Variants in CHRNA10 observed in about 807,000 individuals in gnomAD.
CHRNA10 encodes the protein cholinergic receptor nicotinic alpha 10 subunit.
Under a neutral mutation model 36.0 loss-of-function variants are expected in CHRNA10, and 31 were observed. That is an observed-to-expected ratio of 0.86 (90% confidence interval 0.65 to 1.16). The LOEUF (loss-of-function observed/expected upper bound fraction) is 1.16, where lower values mean the gene tolerates loss of function less well. CHRNA10 is among the 50% of genes most tolerant of loss of function. The probability of loss-of-function intolerance (pLI) is 0.00; values close to 1 mark genes in which losing one functional copy is unlikely to be tolerated. For missense variants in CHRNA10, 648 were observed against 640.9 expected, an observed-to-expected ratio of 1.01 and a Z score of -0.12; for synonymous variants, 302 against 287.0, an observed-to-expected ratio of 1.05 and a Z score of -0.53.
chr11:3,670,190 T>C (rs2077703819), intron 1 of CHRNA10, among the ~76,000 whole-genome samples: 1 of 152,140 alleles, frequency 6.6e-6, no homozygotes, highest in African/African-American at 2.4e-5. Flanking sequence ...CCCTCCCCTT[T>C]TCAAGGACCT....
Position 3,666,148 on chromosome 11 carries a change from C to T in CHRNA10, c.1312G>A (p.Ala438Thr), listed in dbSNP as rs769585341. The T allele has an allele frequency of 1.9e-6, 3 of 1,597,250 alleles. No individual in the cohort carries two copies. Among genetic ancestry groups the T allele is most frequent in the Non-Finnish European group, 2.6e-6 (3 of 1,171,372 alleles). ...RFFLAIFFSM[A>T]LVMSLLVLVQ... ...AGCACCAGGAGGCTCATGACCAGGG[C>T]CATGGAGAAGAAGATGGCCAGGAAG... Residue 438 changes from alanine (A) to threonine (T), a missense_variant, in exon 5 of 5, where the codon GCC becomes ACC. Physicochemically the swap from Ala to Thr is moderately conservative, Grantham distance 58. Coordinates refer to ENST00000250699, the MANE Select transcript of CHRNA10 (RefSeq NM_020402.4).
chr11:3,668,724 A>T (rs1472346972), intron 3 of CHRNA10: 1 of 153,544 alleles, frequency 6.5e-6, no homozygotes, highest in Middle Eastern at 3.1e-3. Flanking sequence ...GCTCCGGGAC[A>T]CACAGTGACT....
In CHRNA10 at chr11:3,667,571, G is replaced by A; in HGVS notation, c.556C>T (p.Pro186Ser). 2.6e-6 allele frequency: 4 copies of A among 1,558,150 alleles called. No individual in the cohort carries two copies. The highest frequency in any genetic ancestry group is 2.6e-6 in the Non-Finnish European group (3 of 1,157,332). ...THGGHQLDVR[P>S]RGAAASLADF... ...GCCAGGCTGGCTGCAGCGCCGCGCG[G>A]CCGCACATCCAGTTGGTGCCCGCCG... is the stretch of plus-strand genomic sequence containing the variant. The change falls in exon 4 of 5, where the codon CCG becomes TCG. Residue 186 changes from proline to serine, a missense_variant. By Grantham distance (74) the Pro-to-Ser change is moderately conservative. Coordinates refer to ENST00000250699, the MANE Select transcript of CHRNA10 (RefSeq NM_020402.4).
At position 3,667,483 on chromosome 11, in the gene CHRNA10, G is replaced by T. The variant is rs759550632; in HGVS notation, c.644C>A (p.Thr215Asn). ...LGMPARRRVL[T>N]YGCCSEPYPD... ...GTAGGGCTCGGAGCAGCAGCCGTAG[G>T]TGAGCACGCGCCGCCGCGCCGGCAT... is the stretch of plus-strand genomic sequence containing the variant. Residue 215 changes from threonine to asparagine, a missense_variant, in exon 4 of 5, where the codon ACC becomes AAC. Physicochemically the swap from Thr to Asn is moderately conservative, Grantham distance 65. Coordinates refer to ENST00000250699, the MANE Select transcript of CHRNA10 (RefSeq NM_020402.4). 1 of 1,587,480 alleles carries T rather than the reference G, an allele frequency of 6.3e-7. No individual in the cohort carries two copies. Among genetic ancestry groups the T allele is most frequent in the Admixed American group, 1.7e-5 (1 of 58,400 alleles).
Position 3,667,478 on chromosome 11 carries a change from CGTAG to C in CHRNA10, c.645_648del (p.Tyr216AlafsTer90), listed in dbSNP as rs1232732814. 4 of 1,589,968 alleles carry C rather than the reference CGTAG, an allele frequency of 2.5e-6. No individual in the cohort carries two copies. The Admixed American group carries it at 5.1e-5, about 20-fold the overall frequency. On this transcript the variant is annotated frameshift_variant, in exon 4 of 5. Coordinates refer to ENST00000250699, the MANE Select transcript of CHRNA10 (RefSeq NM_020402.4). LOFTEE classifies it high-confidence loss of function. ...TCGGGGTAGGGCTCGGAGCAGCAGC[CGTAG>C]GTGAGCACGCGCCGCCGCGCCGGCA...
Position 3,666,168 on chromosome 11 carries a change from A to G in CHRNA10, c.1292T>C (p.Leu431Pro). The change falls in exon 5 of 5, where the codon CTG (leucine) becomes CCG (proline). Residue 431 changes from leucine (L) to proline (P), a missense_variant. Transcript: ENST00000250699. The part of the protein sequence containing the change: ...RLARVMDRFF[L>P]AIFFSMALVM... ...CAGGGCCATGGAGAAGAAGATGGCC[A>G]GGAAGAAGCGGTCCATCACACGGGC... The G allele has an allele frequency of 6.2e-7, 1 of 1,607,624 alleles. No homozygotes were observed. The highest frequency in any genetic ancestry group is 1.1e-5 in the South Asian group (1 of 90,076).
rs12221525 is a variant in CHRNA10 at position 3,665,714 on chromosome 11, C to G, written c.*393G>C. The G allele has an allele frequency of 0.075, 12,213 of 163,130 alleles. 1,211 individuals are homozygous for G. Among genetic ancestry groups the G allele is most frequent in the African/African-American group, 0.23 (9,548 of 41,872 alleles). The allele number at this position is 163,130 out of a possible 1,614,324, so 10.1% of individuals were successfully genotyped here. A position where few individuals can be genotyped will look rare whatever the true frequency, so the allele number is the denominator to read the frequency against. ...TGAGCCCCTCAGCAGGGAAAGGTAA[C>G]AGCCAAAGCCCTGCAAAGCAGCCAC... On this transcript the variant is annotated 3_prime_UTR_variant, in exon 5 of 5. Coordinates refer to ENST00000250699, the MANE Select transcript of CHRNA10 (RefSeq NM_020402.4).
At position 3,667,690 on chromosome 11, in the gene CHRNA10, G is replaced by C; in HGVS notation, c.437C>G (p.Ala146Gly). The stretch of plus-strand genomic sequence containing the variant: ...GCACGAGCTGCGCGTGATGGCCGGC[G>C]CGTCCCAGCGCACGGCGCCATCGTG... ...LRHDGAVRWD[A>G]PAITRSSCRV... The change falls in exon 4 of 5, where the codon GCG (alanine) becomes GGG (glycine). Residue 146 changes from alanine (A) to glycine (G), a missense_variant. Coordinates refer to ENST00000250699, the MANE Select transcript of CHRNA10 (RefSeq NM_020402.4). 6.4e-7 allele frequency: 1 copy of C among 1,571,124 alleles called. No individual in the cohort carries two copies. Among genetic ancestry groups the C allele is most frequent in the Non-Finnish European group, 8.6e-7 (1 of 1,164,916 alleles).
In CHRNA10 at chr11:3,669,838, C is replaced by G. The variant is rs752315929; in HGVS notation, c.165G>C (p.Leu55=). 6.3e-5 allele frequency: 101 copies of G among 1,614,062 alleles called. No homozygotes were observed. The highest frequency in any genetic ancestry group is 7.1e-5 in the Non-Finnish European group (84 of 1,180,032). The change falls in exon 2 of 5, where the codon CTG becomes CTC. Residue 55 remains leucine, a synonymous_variant. Transcript: ENST00000250699. ...ACAGTGTCACCTCCAGGGTCACATT[C>G]AGAGTCTGGTCTGTGTCTGCCACAG... ...LRPVADTDQT[L]NVTLEVTLSQ...
chr11:3,667,744 C>G lies in CHRNA10; in HGVS notation c.383G>C (p.Gly128Ala), dbSNP rs569150940. ...CAGGACCACGTTGGTGCTGGCGGAA[C>G]CTGGAGGCTGCGCGTCGGCTCTGGG... Reference protein sequence around the residue: ...LYNKADAQPPGSASTNVVLRH... With the variant: ...LYNKADAQPPASASTNVVLRH... Residue 128 changes from glycine to alanine, a missense_variant, in exon 4 of 5, where the codon GGT becomes GCT. Physicochemically the swap from Gly to Ala is moderately conservative, Grantham distance 60. Transcript: ENST00000250699. 6.4e-7 allele frequency: 1 copy of G among 1,554,064 alleles called. No individual in the cohort carries two copies. The highest frequency in any genetic ancestry group is 8.6e-7 in the Non-Finnish European group (1 of 1,157,728).
At chr11:3,671,212 C>T (rs1431447061) in intron 1 of CHRNA10, 40 bp downstream of exon 1, 2 of 1,595,202 alleles carry the variant, frequency 1.3e-6, no homozygotes, top group African/African-American at 2.7e-5. Flanking sequence ...AATAGTAGCA[C>T]CACCAGGAGA....
Position 3,666,519 on chromosome 11 carries a change from G to T in CHRNA10, c.941C>A (p.Ala314Glu), listed in dbSNP as rs200527798. The T allele has an allele frequency of 6.3e-7, 1 of 1,586,498 alleles. No homozygotes were observed. The highest frequency in any genetic ancestry group is 8.6e-7 in the Non-Finnish European group (1 of 1,164,134). The change falls in exon 5 of 5, where the codon GCA (alanine) becomes GAA (glutamate). Residue 314 changes from alanine (A) to glutamate (E), a missense_variant. Physicochemically the swap from Ala to Glu is moderately radical, Grantham distance 107. Coordinates refer to ENST00000250699, the MANE Select transcript of CHRNA10 (RefSeq NM_020402.4). ...CAGGTTCATGATAAGGATGGTGAGT[G>T]CTGTTGAGAATGTGACCATGGTCAT... is the stretch of plus-strand genomic sequence containing the variant. ...ATMTMVTFST[A>E]LTILIMNLHY...
In CHRNA10 at chr11:3,667,504, G is replaced by A. The variant is rs201793421; in HGVS notation, c.623C>T (p.Pro208Leu). 265 of 1,581,078 alleles carry A rather than the reference G, an allele frequency of 1.7e-4. No individual in the cohort carries two copies. The highest frequency in any genetic ancestry group is 2.2e-4 in the Non-Finnish European group (253 of 1,171,400). The change falls in exon 4 of 5, where the codon CCG becomes CTG. Residue 208 changes from proline to leucine, a missense_variant. Transcript: ENST00000250699. ...ENVEWRVLGM[P>L]ARRRVLTYGC... is the part of the protein sequence containing the mutation. ...GTAGGTGAGCACGCGCCGCCGCGCC[G>A]GCATGCCCAGCACGCGCCACTCCAC...
At position 3,667,767 on chromosome 11, in the gene CHRNA10, G is replaced by C; in HGVS notation, c.363-3C>G. 1 of 1,509,426 alleles carries C rather than the reference G, an allele frequency of 6.6e-7. No individual in the cohort carries two copies. The highest frequency in any genetic ancestry group is 8.8e-7 in the Non-Finnish European group (1 of 1,136,620). 93.5% of individuals were successfully genotyped at this position (1,509,426 alleles called of 1,614,324 possible). ...AACCTGGAGGCTGCGCGTCGGCTCT[G>C]GGGGCAGGCGGGGCAGGGCTCACCT... On this transcript the variant is annotated splice_polypyrimidine_tract_variant and splice_region_variant and intron_variant, in intron 3 of 4. Transcript: ENST00000250699.
Position 3,667,413 on chromosome 11 carries a change from GGCGGCGGC to G in CHRNA10, c.706_713del (p.Ala236LeufsTer99), listed in dbSNP as rs1224683978. The G allele has an allele frequency of 8.1e-6, 13 of 1,598,622 alleles. No individual in the cohort carries two copies. The highest frequency in any genetic ancestry group is 1.3e-5 in the African/African-American group (1 of 74,640). On this transcript the variant is annotated frameshift_variant, in exon 4 of 5. Coordinates refer to ENST00000250699, the MANE Select transcript of CHRNA10 (RefSeq NM_020402.4). LOFTEE classifies it high-confidence loss of function. Reference sequence around the variant, plus strand: ...AGGGCAGCAGCAGGTTGCACACGTAGGCGGCGGCGCGGCGGCGCAGCAGCAGCGTGAAG... The same window carrying G: ...AGGGCAGCAGCAGGTTGCACACGTAGGCGGCGGCGCAGCAGCAGCGTGAAG...
At chr11:3,667,187 G>A (rs776422383) in intron 4 of CHRNA10, 45 bp downstream of exon 4, 1 of 1,502,366 alleles carries the variant, frequency 6.7e-7, no homozygotes, top group Admixed American at 2.1e-5. Flanking sequence ...CGCCCTGGGG[G>A]GACCCCAGCG....
rs1020657747 is a variant in CHRNA10 at position 3,666,476 on chromosome 11, A to G, written c.984T>C (p.Ser328=). The G allele has an allele frequency of 6.2e-7, 1 of 1,612,640 alleles. No homozygotes were observed. The highest frequency in any genetic ancestry group is 1.1e-5 in the South Asian group (1 of 90,896). Residue 328 remains serine, a synonymous_variant, in exon 5 of 5, where the codon AGT becomes AGC. Transcript: ENST00000250699. ...LIMNLHYCGP[S]VRPVPAWARA... ...TAGCCCAGGCTGGCACTGGGCGGAC[A>G]CTGGGACCACAGTAATGCAGGTTCA...
In CHRNA10 at chr11:3,666,189, C is replaced by A. The variant is rs370972331; in HGVS notation, c.1271G>T (p.Arg424Leu). 3 of 1,612,194 alleles carry A rather than the reference C, an allele frequency of 1.9e-6. No homozygotes were observed. Among genetic ancestry groups the A allele is most frequent in the East Asian group, 2.2e-5 (1 of 44,868 alleles). The change falls in exon 5 of 5, where the codon CGT becomes CTT. Residue 424 changes from arginine to leucine, a missense_variant. Arg to Leu is a moderately radical substitution (Grantham distance 102, BLOSUM62 -2). Transcript: ENST00000250699. ...GGCCAGGAAGAAGCGGTCCATCACA[C>A]GGGCCAGGCGCTTCCAGTCCTCATG... is the stretch of plus-strand genomic sequence containing the variant. ...RCHEDWKRLA[R>L]VMDRFFLAIF...
chr11:3,669,081 C>CCAGGGCAGCGTGG, intron 3 of CHRNA10, 115 bp downstream of exon 3: 1 of 1,227,618 alleles, frequency 8.1e-7, no homozygotes, highest in South Asian at 1.5e-5. Context: ...GGAAAAGCTT[C>CCAGGGCAGCGTGG]CAGGGCAGCG....
Sources: gnomAD v4.1 joint callset for allele counts (sites outside exome capture counted in the v4.1 genomes callset) on GRCh38, gnomAD v4.1.1 for gene constraint, MANE v1.5 for transcripts, NCBI Gene and HGNC (gene_info 2026-07-23, HGNC 2026-07-21) for gene names.